The following CACNA2D2 variants were observed in gnomAD, a reference collection of about 807,000 sequenced individuals.
The protein encoded by CACNA2D2 is calcium voltage-gated channel auxiliary subunit alpha2delta 2, also known as voltage-dependent calcium channel subunit alpha-2/delta-2.
In CACNA2D2, 48 loss-of-function variants were observed where a neutral mutation model predicts 166.4. The ratio of observed to expected loss-of-function variants is 0.29; its 90% CI spans 0.23 to 0.37. CACNA2D2 has a LOEUF of 0.37. Ranked by LOEUF, CACNA2D2 falls within the 10% of genes least tolerant of loss-of-function variation. CACNA2D2 has a pLI of 1.00. For synonymous variants in CACNA2D2, 561 were observed against 573.7 expected (o/e 0.98, Z 0.32); for missense variants, 1,122 against 1,433.0 (o/e 0.78, Z 3.50).
intron 4 of CACNA2D2, among the ~76,000 whole-genome samples, chr3:50,392,638 G>A (rs2106724113): frequency 6.6e-6 from 1 of 152,298 alleles, no homozygotes; most frequent in East Asian, 1.9e-4. Context: ...GGCTGGTGTG[G>A]CCAGATATGC....
chr3:50,487,862 C>G (rs1019714224), intron 1 of CACNA2D2, among the ~76,000 whole-genome samples: 1 of 152,164 alleles, frequency 6.6e-6, no homozygotes, highest in Non-Finnish European at 1.5e-5. Flanking sequence ...CTCACTCATT[C>G]ATTCATTCCG....
chr3:50,385,750 G>A (rs1181021171), intron 5 of CACNA2D2, among the ~76,000 whole-genome samples: 2 of 152,228 alleles, frequency 1.3e-5, no homozygotes, highest in African/African-American at 2.4e-5. Context: ...GGCAGCCTCG[G>A]AGCATGGAGG....
In CACNA2D2 at chr3:50,365,236, C is replaced by A. The variant is rs1704178101; in HGVS notation, c.3099-52G>T. The A allele has an allele frequency of 2.6e-6, 4 of 1,559,844 alleles. No homozygotes were observed. Among genetic ancestry groups the A allele is most frequent in the Non-Finnish European group, 3.5e-6 (4 of 1,141,978 alleles). On this transcript the variant is annotated intron_variant, in intron 35 of 37. Transcript: ENST00000424201. The surrounding 1 kb of genome is among the most constrained non-coding windows in gnomAD (Gnocchi z 4.5). Reference sequence around the variant, plus strand: ...GTTGAGTTTGCCCCGCCCTGACCCACCCCCATCCTGCGGCCCCGCCCCCGG... The same window carrying A: ...GTTGAGTTTGCCCCGCCCTGACCCAACCCCATCCTGCGGCCCCGCCCCCGG...
rs544095814 is a variant in CACNA2D2, at chr3:50,420,120, G to A, written c.405+14193C>T. On this transcript the variant is annotated intron_variant, in intron 3 of 37. Coordinates refer to ENST00000424201, the MANE Select transcript of CACNA2D2 (RefSeq NM_006030.4). Reference sequence around the variant, plus strand: ...ATCACAGTGAAGTGAACCTTGTGGGGAGAAAGGAGAAGATTTTTAATTAAA... The same window carrying A: ...ATCACAGTGAAGTGAACCTTGTGGGAAGAAAGGAGAAGATTTTTAATTAAA... Among the ~76,000 whole-genome samples the A allele has an allele frequency of 3.0e-4, 45 of 152,400 alleles. 1 individual carries two copies. In the Middle Eastern group the frequency reaches 0.01, roughly 35 times the overall value.
At position 50,379,908 on chromosome 3, in the gene CACNA2D2, CAG is replaced by C; in HGVS notation, c.893+58_893+59del. The stretch of plus-strand genomic sequence containing the variant: ...CCATCCCCCAAGATGTTCAGGGCAG[CAG>C]AGTCTAGCCCATTGCCCGTCCCTGC... On this transcript the variant is annotated intron_variant, in intron 9 of 37. Transcript: ENST00000424201. The surrounding 1 kb of genome is among the most constrained non-coding windows in gnomAD (Gnocchi z 6.5). 2 of 1,611,854 alleles carry C rather than the reference CAG, an allele frequency of 1.2e-6. No individual in the cohort carries two copies. Among genetic ancestry groups the C allele is most frequent in the Non-Finnish European group, 1.7e-6 (2 of 1,178,122 alleles).
intron 4 of CACNA2D2, among the ~76,000 whole-genome samples, chr3:50,390,627 G>A (rs1455516273): frequency 6.6e-6 from 1 of 152,158 alleles, no homozygotes; most frequent in Non-Finnish European, 1.5e-5. Flanking sequence ...AGGAGTTGGG[G>A]GAGTCACCCA....
chr3:50,431,691 A>C (rs1356466706), intron 3 of CACNA2D2, among the ~76,000 whole-genome samples: 1 of 152,180 alleles, frequency 6.6e-6, no homozygotes, highest in African/African-American at 2.4e-5. Context: ...TTCTCATAAA[A>C]AATAATTTCT....
chr3:50,405,160 A>G (rs1310981463), intron 3 of CACNA2D2, among the ~76,000 whole-genome samples: 3 of 152,172 alleles, frequency 2.0e-5, no homozygotes, highest in Non-Finnish European at 1.5e-5. Context: ...ACCTCAGGAG[A>G]AGGAGTGGGA....
intron 3 of CACNA2D2, among the ~76,000 whole-genome samples, chr3:50,396,463 G>GC (rs1384455941): frequency 3.3e-5 from 5 of 152,072 alleles, no homozygotes; most frequent in Non-Finnish European, 7.4e-5. Flanking sequence ...GTCCTGTAGG[G>GC]CCCACCTGAC....
chr3:50,387,910 G>A (rs1003942050), intron 4 of CACNA2D2, among the ~76,000 whole-genome samples: 10 of 152,226 alleles, frequency 6.6e-5, no homozygotes, highest in Non-Finnish European at 1.3e-4. Flanking sequence ...TCTAGGTTCT[G>A]TCTGCAGAGA....
intron 2 of CACNA2D2, among the ~76,000 whole-genome samples, chr3:50,446,231 CAA>C (rs1708840586): frequency 6.6e-6 from 1 of 152,194 alleles, no homozygotes; most frequent in Non-Finnish European, 1.5e-5. Context: ...GGTTGGGTGA[CAA>C]TTATTACGGG....
chr3:50,488,446 T>C (rs2107146046), intron 1 of CACNA2D2, among the ~76,000 whole-genome samples: 2 of 152,218 alleles, frequency 1.3e-5, no homozygotes, highest in African/African-American at 4.8e-5. Context: ...GCAGAGCCTC[T>C]TCCCCCCGGC....
Position 50,381,006 on chromosome 3 carries a change from C to A in CACNA2D2, c.773G>T (p.Arg258Leu). 1 of 1,613,768 alleles carries A rather than the reference C, an allele frequency of 6.2e-7. No individual in the cohort carries two copies. The highest frequency in any genetic ancestry group is 8.5e-7 in the Non-Finnish European group (1 of 1,179,782). ...QVFGSATGVTRYYPATPWRAP... is the reference protein window; with the variant it reads ...QVFGSATGVTLYYPATPWRAP... ...GGGCTGGTACCTACCCGGGTAGTAG[C>A]GAGTGACTCCTGTGGCGCTGCCGAA... Residue 258 changes from arginine (R) to leucine (L), a missense_variant, in exon 7 of 38, where the codon CGC becomes CTC. Coordinates refer to ENST00000424201, the MANE Select transcript of CACNA2D2 (RefSeq NM_006030.4).
Position 50,366,670 on chromosome 3 carries a change from C to T in CACNA2D2, c.2590-45G>A. 2 of 1,611,192 alleles carry T rather than the reference C, an allele frequency of 1.2e-6. No individual in the cohort carries two copies. Among genetic ancestry groups the T allele is most frequent in the Non-Finnish European group, 1.7e-6 (2 of 1,177,718 alleles). Reference sequence around the variant, plus strand: ...GACCGTAAGCCACCCACCAGTTTTCCTCCCTCCCATCACCTTTCATACATC... The same window carrying T: ...GACCGTAAGCCACCCACCAGTTTTCTTCCCTCCCATCACCTTTCATACATC... On this transcript the variant is annotated intron_variant, in intron 29 of 37. Coordinates refer to ENST00000424201, the MANE Select transcript of CACNA2D2 (RefSeq NM_006030.4). The surrounding 1 kb of genome is among the most constrained non-coding windows in gnomAD (Gnocchi z 5.9).
At chr3:50,450,525 G>A (rs1458504852) in intron 2 of CACNA2D2, among the ~76,000 whole-genome samples, 1 of 152,092 alleles carries the variant, frequency 6.6e-6, no homozygotes, top group Non-Finnish European at 1.5e-5. Flanking sequence ...CCCTGCTCTC[G>A]CCCACCAGAG....
intron 6 of CACNA2D2, among the ~76,000 whole-genome samples, chr3:50,383,012 G>A (rs184400440): frequency 7.6e-4 from 116 of 152,364 alleles, no homozygotes; most frequent in African/African-American, 2.6e-3. Flanking sequence ...ATCATGCTGA[G>A]TTGGGAAAGG....
chr3:50,501,528 G>A (rs1698963385), intron 1 of CACNA2D2, among the ~76,000 whole-genome samples: 1 of 152,226 alleles, frequency 6.6e-6, no homozygotes, highest in South Asian at 2.1e-4. Flanking sequence ...GCTGGGGACA[G>A]AGGGATAGGT....
At chr3:50,492,693 C>T (rs1042672636) in intron 1 of CACNA2D2, among the ~76,000 whole-genome samples, 1 of 152,140 alleles carries the variant, frequency 6.6e-6, no homozygotes, top group African/African-American at 2.4e-5. Flanking sequence ...AACCTGGAGG[C>T]GCCACAGGCC....
In CACNA2D2 at chr3:50,366,989, C is replaced by G; in HGVS notation, c.2500+22G>C. The stretch of plus-strand genomic sequence containing the variant: ...GTACCCTGTCCATTGCCTGTTTCCC[C>G]ACCTCTGTCCCAAACATTCACCTGC... On this transcript the variant is annotated intron_variant, in intron 28 of 37. Coordinates refer to ENST00000424201, the MANE Select transcript of CACNA2D2 (RefSeq NM_006030.4). The surrounding 1 kb of genome is among the most constrained non-coding windows in gnomAD (Gnocchi z 5.9). 6.2e-7 allele frequency: 1 copy of G among 1,613,422 alleles called. No individual in the cohort carries two copies. The highest frequency in any genetic ancestry group is 8.5e-7 in the Non-Finnish European group (1 of 1,179,680).
Sources: gnomAD v4.1 joint callset for allele counts (sites outside exome capture counted in the v4.1 genomes callset) on GRCh38, gnomAD v4.1.1 for gene constraint, Gnocchi (gnomAD v3.1) non-coding constraint, MANE v1.5 for transcripts, NCBI Gene and HGNC (gene_info 2026-07-23, HGNC 2026-07-21) for gene names.